The following ZNF71 variants were observed in gnomAD, a reference collection of about 807,000 sequenced individuals.
ZNF71 encodes zinc finger protein 71, also known as endothelial zinc finger protein induced by tumor necrosis factor alpha.
Under a neutral mutation model 6.7 loss-of-function variants are expected in ZNF71, and 3 were observed. The observed-to-expected ratio is 0.45, with a 90% CI of 0.20 to 1.16. The LOEUF (loss-of-function observed/expected upper bound fraction) is 1.16, where lower values mean the gene tolerates loss of function less well. ZNF71 is among the 50% of genes most tolerant of loss of function. ZNF71 has a pLI of 0.25. For synonymous variants in ZNF71, 343 were observed against 311.1 expected (o/e 1.10, Z -1.08); for missense variants, 688 against 728.6 (o/e 0.94, Z 0.64).
intron 2 of ZNF71, among the ~76,000 whole-genome samples, chr19:56,608,729 C>CACACAT (rs2044728316): frequency 6.6e-6 from 1 of 152,180 alleles, no homozygotes; most frequent in African/African-American, 2.4e-5. Context: ...CACACACACA[C>CACACAT]ACACATACAC....
At chr19:56,614,990 C>CT (rs974229913) in intron 3 of ZNF71, among the ~76,000 whole-genome samples, 25 of 147,874 alleles carry the variant, frequency 1.7e-4, no homozygotes, top group Admixed American at 4.1e-4. Context: ...AGTATGTACC[C>CT]TTTTTTTTTT....
At chr19:56,609,468 C>A (rs1486984435) in intron 2 of ZNF71, among the ~76,000 whole-genome samples, 2 of 152,152 alleles carry the variant, frequency 1.3e-5, no homozygotes, top group African/African-American at 4.8e-5. Flanking sequence ...CCACCCTCAC[C>A]CCTAGGCAAC....
chr19:56,603,984 C>A lies in ZNF71; in HGVS notation c.33+2393C>A, dbSNP rs1243530176. ...GAGGCCCTTTGTTAGCACTTCTGTC[C>A]CAACACGATGGGCTCCCAGACCTGG... On this transcript the variant is annotated intron_variant, in intron 2 of 3. Transcript: ENST00000599599. This position sits in a 1 kb window ranked among gnomAD's most constrained non-coding sequence, Gnocchi z 4.6. 2.0e-5 allele frequency among the ~76,000 whole-genome samples: 3 copies of A among 152,028 alleles called. No homozygotes were observed. The highest frequency in any genetic ancestry group is 7.3e-5 in the African/African-American group (3 of 41,366).
At chr19:56,602,605 T>C in intron 2 of ZNF71, among the ~76,000 whole-genome samples, 1 of 152,166 alleles carries the variant, frequency 6.6e-6, no homozygotes, top group East Asian at 1.9e-4. Context: ...AGTAGCATTG[T>C]TTGTATTATT....
intron 3 of ZNF71, among the ~76,000 whole-genome samples, chr19:56,620,523 ATATT>A (rs747478996): frequency 2.6e-5 from 4 of 151,666 alleles, no homozygotes; most frequent in South Asian, 4.2e-4. Context: ...TCTTTTTTCA[ATATT>A]TATTTATTTA....
In ZNF71 at chr19:56,622,886, T is replaced by A. The variant is rs2044876164; in HGVS notation, c.*129T>A. ...TCGGGGTCAGGGGAGCTCAGGAATG[T>A]GGGGTTGTGGAGGGGCTGGCTGATC... On this transcript the variant is annotated 3_prime_UTR_variant, in exon 4 of 4. Transcript: ENST00000599599. 1.6e-6 allele frequency: 2 copies of A among 1,275,490 alleles called. No homozygotes were observed. The highest frequency in any genetic ancestry group is 1.5e-5 in the African/African-American group (1 of 66,292). 79.0% of individuals were successfully genotyped at this position (1,275,490 alleles called of 1,614,324 possible).
Position 56,621,297 on chromosome 19 carries a change from T to G in ZNF71, c.190T>G (p.Leu64Val). 6.6e-7 allele frequency: 1 copy of G among 1,517,014 alleles called. No homozygotes were observed. 94.0% of individuals were successfully genotyped at this position (1,517,014 alleles called of 1,614,324 possible). Residue 64 changes from leucine (L) to valine (V), a missense_variant, in exon 4 of 4, where the codon TTG becomes GTG. Transcript: ENST00000599599. ...DWETRPEMKELDPKNDISEDK... is the reference protein window; with the variant it reads ...DWETRPEMKEVDPKNDISEDK... ...GGAGACTAGACCTGAAATGAAAGAG[T>G]TGGATCCAAAGAATGACATTTCGGA...
rs1252563362 is a variant in ZNF71, at chr19:56,622,159, C to G, written c.1052C>G (p.Thr351Arg). ...QNMHLTEHQR[T>R]HTGEKPYACK... ...ATGCACCTGACCGAGCACCAGCGCACGCACACCGGGGAGAAGCCGTACGCC... is the reference window on the plus strand; with the variant it reads ...ATGCACCTGACCGAGCACCAGCGCAGGCACACCGGGGAGAAGCCGTACGCC... The change falls in exon 4 of 4, where the codon ACG becomes AGG. Residue 351 changes from threonine to arginine, a missense_variant. By Grantham distance (71) the Thr-to-Arg change is moderately conservative. Transcript: ENST00000599599. 6.8e-6 allele frequency: 11 copies of G among 1,611,558 alleles called. No individual in the cohort carries two copies. The highest frequency in any genetic ancestry group is 9.3e-6 in the Non-Finnish European group (11 of 1,179,252).
At chr19:56,608,630 C>A (rs948941001) in intron 2 of ZNF71, among the ~76,000 whole-genome samples, 2 of 152,160 alleles carry the variant, frequency 1.3e-5, no homozygotes, top group South Asian at 4.1e-4. Context: ...GTTGATCACA[C>A]AGAATCACCC....
Position 56,621,609 on chromosome 19 carries a change from G to A in ZNF71, c.502G>A (p.Gly168Ser), listed in dbSNP as rs2044849802. ...GGGGGCCTGTCCACCCGTAAGGCGT[G>A]GCAAGAACTTCTCCAGCACTTCAGA... ...EKGACPPVRR[G>S]KNFSSTSDLS... The change falls in exon 4 of 4, where the codon GGC (glycine) becomes AGC (serine). Residue 168 changes from glycine (G) to serine (S), a missense_variant. By Grantham distance (56) the Gly-to-Ser change is moderately conservative. Coordinates refer to ENST00000599599, the MANE Select transcript of ZNF71 (RefSeq NM_001370215.1). The A allele has an allele frequency of 6.2e-7, 1 of 1,614,066 alleles. No homozygotes were observed. The highest frequency in any genetic ancestry group is 1.3e-5 in the African/African-American group (1 of 74,940).
chr19:56,615,178 A>G lies in ZNF71; in HGVS notation c.160+1240A>G, dbSNP rs78801477. 7.6e-3 allele frequency among the ~76,000 whole-genome samples: 1,164 copies of G among 152,302 alleles called. 19 individuals are homozygous for G. The highest frequency in any genetic ancestry group is 0.026 in the African/African-American group (1,063 of 41,554). On this transcript the variant is annotated intron_variant, in intron 3 of 3. Transcript: ENST00000599599. Reference sequence around the variant, plus strand: ...GGGTCATTTCCAGTTCTGGGCTATTACAAATAAAGCTGCTGTGAACATTTG... The same window carrying G: ...GGGTCATTTCCAGTTCTGGGCTATTGCAAATAAAGCTGCTGTGAACATTTG...
Position 56,620,616 on chromosome 19 carries a change from C to T in ZNF71, c.161-652C>T, listed in dbSNP as rs186957672. Among the ~76,000 whole-genome samples the T allele has an allele frequency of 3.2e-3, 491 of 152,094 alleles. 4 individuals are homozygous for T. The highest frequency in any genetic ancestry group is 4.9e-3 in the Non-Finnish European group (330 of 67,986). On this transcript the variant is annotated intron_variant, in intron 3 of 3. Coordinates refer to ENST00000599599, the MANE Select transcript of ZNF71 (RefSeq NM_001370215.1). ...ACGTGATCATAGCTCACTGCAACCT[C>T]GAATTCCTGGGCTCAAGTGATCCTC...
Position 56,621,708 on chromosome 19 carries a change from C to T in ZNF71, c.601C>T (p.Arg201Ter), listed in dbSNP as rs1473625113. ...CAGCGAGTGTGGCAAGGCCTTTAGC[C>T]GAAGCTCGTCCCTGATAAAGCACCA... ...DCSECGKAFS[R>*]SSSLIKHQRI... Residue 201 changes from arginine to a stop codon, truncating the protein, a stop_gained, in exon 4 of 4, where the codon CGA becomes TGA. Coordinates refer to ENST00000599599, the MANE Select transcript of ZNF71 (RefSeq NM_001370215.1). LOFTEE classifies it low-confidence loss of function (END_TRUNC). 6.2e-6 allele frequency: 10 copies of T among 1,613,714 alleles called. No individual in the cohort carries two copies. The highest frequency in any genetic ancestry group is 5.0e-5 in the Admixed American group (3 of 59,992).
chr19:56,617,122 G>T (rs8112742), intron 3 of ZNF71, among the ~76,000 whole-genome samples: 38,905 of 138,800 alleles, frequency 0.28, 7,084 homozygotes, highest in East Asian at 0.64. Flanking sequence ...GTTTTTTTTT[G>T]TTTTTTTTGA....
In ZNF71 at chr19:56,622,675, A is replaced by G; in HGVS notation, c.1568A>G (p.Glu523Gly). ...LTVHQRIHTG[E>G]KPYRCGECGK... is the part of the protein sequence containing the mutation. ...GTGCACCAGCGGATCCACACGGGCG[A>G]GAAGCCCTACCGATGCGGCGAGTGC... The change falls in exon 4 of 4, where the codon GAG (glutamate) becomes GGG (glycine). Residue 523 changes from glutamate (E) to glycine (G), a missense_variant. Coordinates refer to ENST00000599599, the MANE Select transcript of ZNF71 (RefSeq NM_001370215.1). 1.2e-6 allele frequency: 2 copies of G among 1,614,174 alleles called. No homozygotes were observed. Among genetic ancestry groups the G allele is most frequent in the Non-Finnish European group, 1.7e-6 (2 of 1,180,010 alleles).
At chr19:56,606,142 T>C (rs1452325058) in intron 2 of ZNF71, among the ~76,000 whole-genome samples, 3 of 152,236 alleles carry the variant, frequency 2.0e-5, no homozygotes, top group Non-Finnish European at 4.4e-5. Context: ...TAGTTATTTT[T>C]ATCATTATTT....
Position 56,622,794 on chromosome 19 carries a change from G to C in ZNF71, c.*37G>C. The C allele has an allele frequency of 2.6e-6, 4 of 1,554,800 alleles. No homozygotes were observed. The highest frequency in any genetic ancestry group is 3.5e-6 in the Non-Finnish European group (4 of 1,148,854). ...CAGGGCTCTCACTGGCGGTGCCCAG[G>C]ACGGACGCCAGATGGCTGCGCGCTT... On this transcript the variant is annotated 3_prime_UTR_variant, in exon 4 of 4. Transcript: ENST00000599599.
chr19:56,610,377 C>G (rs1210371266), intron 2 of ZNF71: 3 of 152,202 alleles, frequency 2.0e-5, no homozygotes, highest in Non-Finnish European at 4.4e-5. Flanking sequence ...ACACACTGTT[C>G]TGGGCATTGA....
At position 56,621,824 on chromosome 19, in the gene ZNF71, G is replaced by C. The variant is rs748456963; in HGVS notation, c.717G>C (p.Val239=). ...ERSSLTIHQR[V]HTGEKPYACG... ...CGTCCCTCACCATCCACCAGCGGGT[G>C]CACACGGGCGAGAAGCCCTATGCCT... Residue 239 remains valine, a synonymous_variant, in exon 4 of 4, where the codon GTG becomes GTC. Transcript: ENST00000599599. The C allele has an allele frequency of 3.1e-6, 5 of 1,612,022 alleles. No homozygotes were observed. Among genetic ancestry groups the C allele is most frequent in the Non-Finnish European group, 4.2e-6 (5 of 1,178,174 alleles).
Sources: allele counts gnomAD v4.1 joint callset (sites outside exome capture counted in the v4.1 genomes callset), GRCh38; gene constraint gnomAD v4.1.1; non-coding constraint Gnocchi (gnomAD v3.1); transcripts MANE v1.5; gene names NCBI Gene and HGNC (gene_info 2026-07-23, HGNC 2026-07-21).